Variants in FALEC observed in about 807,000 individuals in gnomAD.
The protein encoded by FALEC is focally amplified lncRNA regulator of ECM1, also known as focally amplified lncRNA on chromosome 1.
the FALEC span, among the ~76,000 whole-genome samples, chr1:150,526,769 G>A: frequency 1.3e-5 from 2 of 151,794 alleles, no homozygotes; most frequent in African/African-American, 2.4e-5. Flanking sequence ...AAGTAGTTGG[G>A]ACTACAGGCG....
the FALEC span, among the ~76,000 whole-genome samples, chr1:150,524,706 C>T: frequency 6.6e-6 from 1 of 152,130 alleles, no homozygotes; most frequent in South Asian, 2.1e-4. Flanking sequence ...TACCATTTTG[C>T]ACCCACTAAA....
the FALEC span, among the ~76,000 whole-genome samples, chr1:150,530,432 G>T: frequency 1.3e-5 from 2 of 152,126 alleles, no homozygotes; most frequent in Non-Finnish European, 2.9e-5. Flanking sequence ...TCCCATGCAG[G>T]TTCCTTAATC....
At chr1:150,522,916 T>TAC (rs1560270747), downstream of FALEC, among the ~76,000 whole-genome samples, 1 of 98,938 alleles carries the variant, frequency 1.0e-5, no homozygotes, top group African/African-American at 4.4e-5. Context: ...TATATATACA[T>TAC]ATATATATAC....
the FALEC span, among the ~76,000 whole-genome samples, chr1:150,534,168 C>T: frequency 6.6e-6 from 1 of 152,162 alleles, no homozygotes; most frequent in South Asian, 2.1e-4. Flanking sequence ...GCTCACATGC[C>T]TCAACTCTGA....
chr1:150,520,763 ATTTTCTTTTC>A (rs1474768990), downstream of FALEC, among the ~76,000 whole-genome samples: 1 of 66,142 alleles, frequency 1.5e-5, no homozygotes, highest in African/African-American at 5.9e-5. Flanking sequence ...TAGTTCATTC[ATTTTCTTTTC>A]TTTTCTTTTC....
downstream of FALEC, among the ~76,000 whole-genome samples, chr1:150,520,466 C>T (rs1670624357): frequency 6.6e-6 from 1 of 152,150 alleles, no homozygotes; most frequent in East Asian, 1.9e-4. Flanking sequence ...GTTTTCAAGG[C>T]TCATCCATGT....
chr1:150,520,293 C>A (rs1423555627), downstream of FALEC, among the ~76,000 whole-genome samples: 1 of 152,204 alleles, frequency 6.6e-6, no homozygotes, highest in Non-Finnish European at 1.5e-5. Context: ...TCACCCCAAA[C>A]AGAAGCTCTG....
At chr1:150,536,491 C>T in the FALEC span, among the ~76,000 whole-genome samples, 5 of 152,114 alleles carry the variant, frequency 3.3e-5, no homozygotes, top group South Asian at 2.1e-4. Flanking sequence ...CTGGGCAAGA[C>T]GGTTTCTAAA....
chr1:150,532,683 G>GC, the FALEC span, among the ~76,000 whole-genome samples: 1 of 152,022 alleles, frequency 6.6e-6, no homozygotes, highest in Non-Finnish European at 1.5e-5. Flanking sequence ...TAGTGTGTGC[G>GC]CCAGGCCCTG....
At chr1:150,534,675 G>C in the FALEC span, among the ~76,000 whole-genome samples, 1,395 of 151,930 alleles carry the variant, frequency 9.2e-3, 11 homozygotes, top group East Asian at 0.017. Context: ...AACCCCGTCT[G>C]TACTAAAAAT....
chr1:150,520,959 G>T (rs587600236), downstream of FALEC, among the ~76,000 whole-genome samples: 12 of 151,522 alleles, frequency 7.9e-5, no homozygotes, highest in African/African-American at 2.7e-4. Context: ...CTGCCAATAC[G>T]CCTGGCTAAT....
the FALEC span, among the ~76,000 whole-genome samples, chr1:150,534,268 C>G: frequency 6.6e-6 from 1 of 152,228 alleles, no homozygotes; most frequent in Non-Finnish European, 1.5e-5. Context: ...GTGGGCTGCA[C>G]TGCTCTGCAA....
At chr1:150,532,514 G>A in the FALEC span, among the ~76,000 whole-genome samples, 6 of 152,130 alleles carry the variant, frequency 3.9e-5, no homozygotes, top group African/African-American at 9.7e-5. Context: ...AGAGCAGGCC[G>A]GCCGGCAATA....
downstream of FALEC, among the ~76,000 whole-genome samples, chr1:150,522,934 T>TACATATATA (rs1491544484): frequency 8.9e-5 from 1 of 11,222 alleles, no homozygotes; most frequent in African/African-American, 4.3e-4. Context: ...TACATATATA[T>TACATATATA]GTGTGTGTGT....
At chr1:150,519,952 A>G (rs922422535), downstream of FALEC, among the ~76,000 whole-genome samples, 1 of 152,170 alleles carries the variant, frequency 6.6e-6, no homozygotes, top group Non-Finnish European at 1.5e-5. Flanking sequence ...CGGGAGTTCG[A>G]GACCAGCCTG....
At chr1:150,525,202 G>A in the FALEC span, among the ~76,000 whole-genome samples, 3 of 152,080 alleles carry the variant, frequency 2.0e-5, no homozygotes, top group Non-Finnish European at 4.4e-5. Context: ...CAGGAGAATC[G>A]CTTGAACCCA....
the FALEC span, among the ~76,000 whole-genome samples, chr1:150,534,618 C>G: frequency 6.6e-6 from 1 of 151,910 alleles, no homozygotes; most frequent in East Asian, 1.9e-4. Context: ...CCAAGGTGGG[C>G]GGATCATGAG....
intron 1 of FALEC, among the ~76,000 whole-genome samples, chr1:150,516,268 G>A (rs1315534103): frequency 3.9e-5 from 6 of 152,260 alleles, no homozygotes; most frequent in African/African-American, 1.4e-4. Flanking sequence ...GGGAGCGGGG[G>A]GGCTTTGGTC....
At chr1:150,516,258 G>T (rs76855589) in intron 1 of FALEC, among the ~76,000 whole-genome samples, 2,762 of 151,952 alleles carry the variant, frequency 0.018, 79 homozygotes, top group African/African-American at 0.061. Flanking sequence ...AAAAAAAAAA[G>T]GGAGCGGGGG....
Sources: allele counts gnomAD v4.1 joint callset (sites outside exome capture counted in the v4.1 genomes callset), GRCh38; gene constraint gnomAD v4.1.1; transcripts MANE v1.5; gene names NCBI Gene and HGNC (gene_info 2026-07-23, HGNC 2026-07-21).